Variants in NAE1 observed in about 807,000 individuals in gnomAD.
NAE1 encodes the protein NEDD8-activating enzyme E1 regulatory subunit.
Under a neutral mutation model 88.0 loss-of-function variants are expected in NAE1, and 59 were observed. The observed-to-expected ratio is 0.67, with a 90% CI of 0.54 to 0.83. NAE1 has a LOEUF of 0.83. Among genes scored for constraint, NAE1 ranks in the 40% least tolerant of loss-of-function variants. The pLI, the probability that NAE1 is intolerant of heterozygous loss-of-function variation, is 0.00. For missense variants in NAE1, 554 were observed against 632.8 expected (o/e 0.88, Z 1.34); for synonymous variants, 186 against 208.9 (o/e 0.89, Z 0.95).
Position 66,810,716 on chromosome 16 carries a change from A to G in NAE1, c.1091T>C (p.Leu364Ser). ...GCTTACCTGGCCAATGGACTGCAGC[A>G]ATTTGGCAACATGATTACCCACAGC... ...AAAVGNHVAK[L>S]LQSIGQAPES... The change falls in exon 14 of 20, where the codon TTG becomes TCG. Residue 364 changes from leucine (L) to serine (S), a missense_variant. Leu to Ser is a moderately radical substitution (Grantham distance 145). Coordinates refer to ENST00000290810, the MANE Select transcript of NAE1 (RefSeq NM_003905.4). 6.2e-7 allele frequency: 1 copy of G among 1,614,180 alleles called. No homozygotes were observed. The highest frequency in any genetic ancestry group is 8.5e-7 in the Non-Finnish European group (1 of 1,180,018).
chr16:66,824,136 T>C (rs943205688), intron 4 of NAE1, among the ~76,000 whole-genome samples: 22 of 152,238 alleles, frequency 1.4e-4, no homozygotes, highest in African/African-American at 5.1e-4. Context: ...ACTTGTACTC[T>C]ACTTTTTTGA....
Position 66,809,014 on chromosome 16 carries a change from C to G in NAE1, c.1212G>C (p.Leu404Phe). 3 of 1,610,730 alleles carry G rather than the reference C, an allele frequency of 1.9e-6. No individual in the cohort carries two copies. Among genetic ancestry groups the G allele is most frequent in the Non-Finnish European group, 2.5e-6 (3 of 1,178,028 alleles). Residue 404 changes from leucine to phenylalanine, a missense_variant, in exon 16 of 20, where the codon TTG (leucine) becomes TTC (phenylalanine). Leu to Phe is a conservative substitution (Grantham distance 22). Transcript: ENST00000290810. ...TAATTTCATCCTTGTTAATTGTATC[C>G]AAACCATATTCTTCAGCTAAGGATC... ...RCRSLAEEYGLDTINKDEIIS... is the reference protein window; with the variant it reads ...RCRSLAEEYGFDTINKDEIIS...
At position 66,821,557 on chromosome 16, in the gene NAE1, G is replaced by A. The variant is rs768134587; in HGVS notation, c.404C>T (p.Thr135Ile). Residue 135 changes from threonine to isoleucine, a missense_variant and splice_region_variant, in exon 7 of 20, where the codon ACT becomes ATT. Physicochemically the swap from Thr to Ile is moderately conservative, Grantham distance 89. Transcript: ENST00000290810. The part of the protein sequence containing the change: ...VVVATQLPES[T>I]SLRLADVLWN... ...GAGGACATCTGCTAAGCGTAGTGAA[G>A]TGCTGTTTAAAAAAAAAAAGCAAAA... The A allele has an allele frequency of 1.3e-6, 2 of 1,562,734 alleles. No homozygotes were observed. The highest frequency in any genetic ancestry group is 1.2e-5 in the South Asian group (1 of 82,682).
intron 11 of NAE1, among the ~76,000 whole-genome samples, chr16:66,815,354 A>C (rs1960001420): frequency 6.6e-6 from 1 of 152,146 alleles, no homozygotes; most frequent in African/African-American, 2.4e-5. Context: ...GTGATTCACA[A>C]AGCACATTTA....
intron 19 of NAE1, among the ~76,000 whole-genome samples, chr16:66,805,081 T>C (rs1258458141): frequency 1.3e-5 from 2 of 152,080 alleles, no homozygotes; most frequent in Non-Finnish European, 2.9e-5. Flanking sequence ...GAAGAACATA[T>C]AGGTTTTGGA....
At chr16:66,811,706 A>T (rs1395730499) in intron 13 of NAE1, among the ~76,000 whole-genome samples, 1 of 152,120 alleles carries the variant, frequency 6.6e-6, no homozygotes, top group African/African-American at 2.4e-5. Flanking sequence ...CCGGCCATAA[A>T]AGTTTTCTTT....
intron 6 of NAE1, among the ~76,000 whole-genome samples, chr16:66,822,630 G>C (rs1016050939): frequency 1.3e-5 from 2 of 150,760 alleles, no homozygotes; most frequent in Admixed American, 6.6e-5. Context: ...TTTCAATGCT[G>C]GAAGATTTCT....
intron 19 of NAE1, 51 bp from the exon 20 acceptor site, chr16:66,803,169 GT>G: frequency 8.2e-7 from 1 of 1,219,660 alleles, no homozygotes. Context: ...AACTTCAAGA[GT>G]TACATACTCA....
At chr16:66,810,661 G>A (rs773959510) in intron 14 of NAE1, 36 bp downstream of exon 14, 1 of 1,580,646 alleles carries the variant, frequency 6.3e-7, no homozygotes, top group Non-Finnish European at 8.7e-7. Flanking sequence ...GTTACGTGCT[G>A]AGGCCTGTAT....
rs183409464 is a variant in NAE1, at chr16:66,822,073, C to T, written c.402-514G>A. Among the ~76,000 whole-genome samples the T allele has an allele frequency of 5.9e-5, 9 of 152,248 alleles. No homozygotes were observed. The South Asian group carries it at 1.9e-3, about 32-fold the overall frequency. On this transcript the variant is annotated intron_variant, in intron 6 of 19. Coordinates refer to ENST00000290810, the MANE Select transcript of NAE1 (RefSeq NM_003905.4). ...GTAGACACAAGGTTTTGCCATGTTG[C>T]CCAGGTGGTCTTAAACTCCTGTGCT...
chr16:66,803,691 A>G (rs1014172034), intron 19 of NAE1, among the ~76,000 whole-genome samples: 1 of 151,986 alleles, frequency 6.6e-6, no homozygotes, highest in African/African-American at 2.4e-5. Flanking sequence ...CCCAAGTTCA[A>G]GTGATTCTCT....
chr16:66,817,302 A>G (rs1239096390), intron 9 of NAE1, 123 bp downstream of exon 9: 2 of 894,250 alleles, frequency 2.2e-6, no homozygotes, highest in South Asian at 1.6e-5. Context: ...AAAAGCATCC[A>G]TTTGCCCTAC....
At position 66,826,665 on chromosome 16, in the gene NAE1, A is replaced by G. The variant is rs774252279; in HGVS notation, c.157+12T>C. On this transcript the variant is annotated intron_variant, in intron 2 of 19. Coordinates refer to ENST00000290810, the MANE Select transcript of NAE1 (RefSeq NM_003905.4). ...GAAGTATATTTAGAACACAACCACA[A>G]ACCTACGTTACCTGGTAGTACCAAG... The G allele has an allele frequency of 1.9e-6, 3 of 1,613,834 alleles. No individual in the cohort carries two copies. Among genetic ancestry groups the G allele is most frequent in the Non-Finnish European group, 2.5e-6 (3 of 1,179,886 alleles).
In NAE1 at chr16:66,810,045, ACC is replaced by A. The variant is rs989824014; in HGVS notation, c.1150+327_1150+328del. Among the ~76,000 whole-genome samples, 373 of 152,300 alleles carry A rather than the reference ACC, an allele frequency of 2.4e-3. 2 individuals carry two copies. Among genetic ancestry groups the A allele is most frequent in the African/African-American group, 8.7e-3 (361 of 41,574 alleles). On this transcript the variant is annotated intron_variant, in intron 15 of 19. Coordinates refer to ENST00000290810, the MANE Select transcript of NAE1 (RefSeq NM_003905.4). ...ATGTACATGTGACTCAAGACTTCAC[ACC>A]CAAAGTCTTCAGACAAAAAAACTTC...
In NAE1 at chr16:66,823,556, G is replaced by A. The variant is rs777398680; in HGVS notation, c.294C>T (p.Ser98=). 3.9e-5 allele frequency: 63 copies of A among 1,610,932 alleles called. No homozygotes were observed. The highest frequency in any genetic ancestry group is 3.3e-4 in the Middle Eastern group (2 of 6,072). The change falls in exon 5 of 20, where the codon AGC becomes AGT. Residue 98 remains serine, a synonymous_variant. Transcript: ENST00000290810. ...CTTCCACAAAACTTCCAGAGACATC[G>A]CTATTTAATTCTTGTAAGAATTCCA... ...AAMEFLQELN[S]DVSGSFVEES... is the part of the protein sequence containing the mutation.
chr16:66,816,354 G>A (rs1042122806), intron 11 of NAE1, among the ~76,000 whole-genome samples: 22 of 152,072 alleles, frequency 1.4e-4, no homozygotes, highest in African/African-American at 4.6e-4. Context: ...TAGTAGAGAC[G>A]CGGTTTCACT....
intron 17 of NAE1, among the ~76,000 whole-genome samples, chr16:66,806,776 T>C (rs1959583463): frequency 6.6e-6 from 1 of 152,088 alleles, no homozygotes; most frequent in African/African-American, 2.4e-5. Context: ...ACCTTATATC[T>C]ATATTAATTG....
At position 66,830,927 on chromosome 16, in the gene NAE1, C is replaced by T. The variant is rs1176720271; in HGVS notation, c.-28G>A. Reference sequence around the variant, plus strand: ...CCGCGCCTGCCGCGCGGAAAACAGCCGAGCCCCTGCGGAGCGCCGCCACCA... The same window carrying T: ...CCGCGCCTGCCGCGCGGAAAACAGCTGAGCCCCTGCGGAGCGCCGCCACCA... On this transcript the variant is annotated 5_prime_UTR_variant, in exon 1 of 20. Coordinates refer to ENST00000290810, the MANE Select transcript of NAE1 (RefSeq NM_003905.4). The T allele has an allele frequency of 6.6e-7, 1 of 1,512,406 alleles. No individual in the cohort carries two copies. The highest frequency in any genetic ancestry group is 1.4e-5 in the African/African-American group (1 of 69,180). The allele number at this position is 1,512,406 out of a possible 1,614,324, so 93.7% of individuals were successfully genotyped here. A position where few individuals can be genotyped will look rare whatever the true frequency, so the allele number is the denominator to read the frequency against.
At chr16:66,820,895 C>T (rs919188517) in intron 7 of NAE1, among the ~76,000 whole-genome samples, 7 of 134,108 alleles carry the variant, frequency 5.2e-5, no homozygotes, top group African/African-American at 2.3e-4. Flanking sequence ...AGAGAGACTC[C>T]GTCTCAAAAA....
Sources: gnomAD v4.1 joint callset for allele counts (sites outside exome capture counted in the v4.1 genomes callset) on GRCh38, gnomAD v4.1.1 for gene constraint, MANE v1.5 for transcripts, NCBI Gene and HGNC (gene_info 2026-07-23, HGNC 2026-07-21) for gene names.